Variants in UGT2A1 observed in about 807,000 individuals in gnomAD.
UGT2A1 encodes UDP-glucuronosyltransferase 2A1.
Under a neutral mutation model 45.4 loss-of-function variants are expected in UGT2A1, and 61 were observed. The ratio of observed to expected loss-of-function variants is 1.34; its 90% CI spans 1.09 to 1.66. The LOEUF (loss-of-function observed/expected upper bound fraction) is 1.66. Ranked by LOEUF, UGT2A1 falls within the 40% of genes most tolerant of loss-of-function variation. UGT2A1 has a pLI of 0.00. For missense variants in UGT2A1, 649 were observed against 574.3 expected, an observed-to-expected ratio of 1.13 and a Z score of -1.33; for synonymous variants, 229 against 196.2, an observed-to-expected ratio of 1.17 and a Z score of -1.40.
intron 2 of UGT2A1, among the ~76,000 whole-genome samples, chr4:69,640,492 T>C (rs1413269487): frequency 3.3e-5 from 5 of 151,868 alleles, no homozygotes; most frequent in South Asian, 2.1e-4. Context: ...AGATCAGATA[T>C]GGATATAGTG....
At chr4:69,612,677 T>C (rs181807524) in intron 3 of UGT2A1, among the ~76,000 whole-genome samples, 19 of 152,162 alleles carry the variant, frequency 1.2e-4, no homozygotes, top group Admixed American at 1.2e-3. Context: ...GCTAGCCATA[T>C]GCAGAAGAAA....
At chr4:69,614,970 G>A (rs1720290664) in intron 3 of UGT2A1, among the ~76,000 whole-genome samples, 1 of 151,984 alleles carries the variant, frequency 6.6e-6, no homozygotes, top group South Asian at 2.1e-4. Flanking sequence ...GGTGGCAGGA[G>A]AGAGAAAGAG....
intron 3 of UGT2A1, among the ~76,000 whole-genome samples, chr4:69,618,295 T>C (rs1439832285): frequency 6.6e-6 from 1 of 151,284 alleles, no homozygotes; most frequent in African/African-American, 2.4e-5. Context: ...GTTACAGTTC[T>C]CTTAAAAATG....
intron 3 of UGT2A1, among the ~76,000 whole-genome samples, chr4:69,625,367 TA>T (rs1560485674): frequency 6.6e-6 from 1 of 151,256 alleles, no homozygotes; most frequent in Non-Finnish European, 1.5e-5. Context: ...TTTATTTTAA[TA>T]TTTTTTTCTG....
At chr4:69,653,098 T>C (rs911823762) in intron 1 of UGT2A1, 90 bp downstream of exon 1, 1 of 152,210 alleles carries the variant, frequency 6.6e-6, no homozygotes, top group Non-Finnish European at 1.5e-5. Flanking sequence ...ACCAGCGTTT[T>C]AAAGATTGAT....
At chr4:69,634,403 T>C (rs1304958868) in intron 3 of UGT2A1, among the ~76,000 whole-genome samples, 1 of 151,918 alleles carries the variant, frequency 6.6e-6, no homozygotes, top group Non-Finnish European at 1.5e-5. Flanking sequence ...GGAAGCAGGG[T>C]ATGAGAATTA....
chr4:69,643,578 T>C (rs1472064478), intron 2 of UGT2A1, among the ~76,000 whole-genome samples: 1 of 151,626 alleles, frequency 6.6e-6, no homozygotes, highest in African/African-American at 2.4e-5. Context: ...TATTAATATA[T>C]ACTGCTATCA....
chr4:69,614,416 TGC>T (rs1372407123), intron 3 of UGT2A1, among the ~76,000 whole-genome samples: 2 of 151,342 alleles, frequency 1.3e-5, no homozygotes, highest in Non-Finnish European at 2.9e-5. Flanking sequence ...ACAGATTCAT[TGC>T]AATCCCTATC....
intron 3 of UGT2A1, among the ~76,000 whole-genome samples, chr4:69,602,187 G>A (rs1719334111): frequency 7.8e-6 from 1 of 127,982 alleles, no homozygotes; most frequent in Non-Finnish European, 1.7e-5. Context: ...AAGGTAAAAA[G>A]AGGAAAATCC....
At chr4:69,649,414 T>C (rs1231964530) in intron 1 of UGT2A1, among the ~76,000 whole-genome samples, 1 of 152,110 alleles carries the variant, frequency 6.6e-6, no homozygotes, top group Admixed American at 6.6e-5. Context: ...CATGATTCAC[T>C]AGGATGTCAT....
chr4:69,651,027 G>C (rs1166945459), intron 1 of UGT2A1, among the ~76,000 whole-genome samples: 1 of 152,034 alleles, frequency 6.6e-6, no homozygotes, highest in Non-Finnish European at 1.5e-5. Context: ...AATTTTTGTG[G>C]AGTACATAAT....
intron 4 of UGT2A1, 30 bp downstream of exon 4, chr4:69,599,216 G>A (rs1293163737): frequency 1.9e-6 from 3 of 1,585,634 alleles, no homozygotes; most frequent in Non-Finnish European, 2.6e-6. Flanking sequence ...ATTATGAAGA[G>A]CATAAAATCC....
rs1009414606 is a variant in UGT2A1, at chr4:69,603,172, A to G, written c.848-3778T>C. Among the ~76,000 whole-genome samples, 44 of 137,604 alleles carry G rather than the reference A, an allele frequency of 3.2e-4. 6 individuals are homozygous for G. The highest frequency in any genetic ancestry group is 1.2e-3 in the African/African-American group (42 of 34,238). 90.3% of individuals were successfully genotyped at this position (137,604 alleles called of 152,430 possible). A position where few individuals can be genotyped will look rare whatever the true frequency, so the allele number is the denominator to read the frequency against. On this transcript the variant is annotated intron_variant, in intron 3 of 6. Transcript: ENST00000286604. ...GTTGTAGAACTTTATATGTGATTCT[A>G]AAATCCATACGGAAAAGCAAAGAGC...
At chr4:69,602,951 C>G (rs1719384637) in intron 3 of UGT2A1, among the ~76,000 whole-genome samples, 1 of 134,782 alleles carries the variant, frequency 7.4e-6, no homozygotes, top group Non-Finnish European at 1.6e-5. Context: ...GCCTGTAATC[C>G]CAGATACTCT....
intron 1 of UGT2A1, among the ~76,000 whole-genome samples, chr4:69,652,187 A>G (rs200102757): frequency 6.8e-6 from 1 of 146,418 alleles, no homozygotes; most frequent in African/African-American, 2.5e-5. Flanking sequence ...TCTACTGGTT[A>G]ACAACTGCAT....
chr4:69,647,202 A>C lies in UGT2A1; in HGVS notation c.443T>G (p.Val148Gly). Reference protein sequence around the residue: ...KLKKSKFEVLVSDPVFPCGDI... With the variant: ...KLKKSKFEVLGSDPVFPCGDI... ...GCCACAAGGAAATACTGGATCAGACACCAGGACTTCAAACTTGCTTTTCTT... is the reference window on the plus strand; with the variant it reads ...GCCACAAGGAAATACTGGATCAGACCCCAGGACTTCAAACTTGCTTTTCTT... Residue 148 changes from valine (V) to glycine (G), a missense_variant, in exon 2 of 7, where the codon GTG becomes GGG. Physicochemically the swap from Val to Gly is moderately radical, Grantham distance 109. Transcript: ENST00000286604. 6.2e-7 allele frequency: 1 copy of C among 1,613,280 alleles called. No homozygotes were observed. The highest frequency in any genetic ancestry group is 8.5e-7 in the Non-Finnish European group (1 of 1,179,434).
chr4:69,607,576 A>C (rs1178195397), intron 3 of UGT2A1, among the ~76,000 whole-genome samples: 1 of 152,116 alleles, frequency 6.6e-6, no homozygotes, highest in African/African-American at 2.4e-5. Flanking sequence ...AATGGGATCT[A>C]ATTAAACTAA....
chr4:69,648,634 C>A (rs932221376), intron 1 of UGT2A1, among the ~76,000 whole-genome samples: 3 of 151,882 alleles, frequency 2.0e-5, no homozygotes, highest in Non-Finnish European at 4.4e-5. Context: ...GAAAAAGAAA[C>A]CACTGCCCAA....
At chr4:69,604,327 AGAG>A (rs55830142) in intron 3 of UGT2A1, among the ~76,000 whole-genome samples, 24,538 of 135,028 alleles carry the variant, frequency 0.18, 5,831 homozygotes, top group Non-Finnish European at 0.22. Flanking sequence ...AAGCTTCATA[AGAG>A]GAGAAGGAGA....
Sources: allele counts gnomAD v4.1 joint callset (sites outside exome capture counted in the v4.1 genomes callset), GRCh38; gene constraint gnomAD v4.1.1; transcripts MANE v1.5; gene names NCBI Gene and HGNC (gene_info 2026-07-23, HGNC 2026-07-21).